LDB2: variants seen among roughly 807,000 people sequenced by gnomAD.
LDB2 encodes LIM domain binding 2.
LDB2 carries 12 observed loss-of-function variants against 44.3 expected under a neutral mutation model. The observed-to-expected ratio is 0.27, with a 90% confidence interval of 0.17 to 0.44. The LOEUF (loss-of-function observed/expected upper bound fraction) is 0.44, where lower values mean the gene tolerates loss of function less well. Among genes scored for constraint, LDB2 ranks in the 20% least tolerant of loss-of-function variants. LDB2 has a pLI of 1.00. For synonymous variants in LDB2, 164 were observed against 174.8 expected, an observed-to-expected ratio of 0.94 and a Z score of 0.49; for missense variants, 344 against 473.5, an observed-to-expected ratio of 0.73 and a Z score of 2.54.
intron 1 of LDB2, among the ~76,000 whole-genome samples, chr4:16,796,682 G>A (rs910288312): frequency 3.9e-5 from 6 of 152,136 alleles, no homozygotes; most frequent in African/African-American, 1.4e-4. Flanking sequence ...ATCATGTGGT[G>A]GAGAAACCTG....
chr4:16,560,339 A>C (rs1187665581), intron 5 of LDB2, among the ~76,000 whole-genome samples: 1 of 152,218 alleles, frequency 6.6e-6, no homozygotes, highest in African/African-American at 2.4e-5. Flanking sequence ...TAAAGAAAAA[A>C]AGACAGAAGA....
intron 2 of LDB2, among the ~76,000 whole-genome samples, chr4:16,629,808 C>T (rs1578322714): frequency 6.6e-6 from 1 of 151,534 alleles, no homozygotes; most frequent in Admixed American, 6.6e-5. Context: ...CTTCAATAGC[C>T]GATTCAATCA....
At chr4:16,579,891 G>A (rs759074694) in intron 5 of LDB2, among the ~76,000 whole-genome samples, 57 of 152,184 alleles carry the variant, frequency 3.7e-4, no homozygotes, top group Non-Finnish European at 7.6e-4. Flanking sequence ...AGACAAACGA[G>A]TGGGGAGACA....
intron 2 of LDB2, among the ~76,000 whole-genome samples, chr4:16,710,499 C>T (rs533553055): frequency 5.3e-5 from 8 of 152,078 alleles, no homozygotes; most frequent in South Asian, 2.1e-4. Flanking sequence ...CCAGGCTTCC[C>T]GAGGAATCTG....
At chr4:16,586,646 A>G (rs139301241) in intron 4 of LDB2, among the ~76,000 whole-genome samples, 1 of 152,154 alleles carries the variant, frequency 6.6e-6, no homozygotes, top group Non-Finnish European at 1.5e-5. Flanking sequence ...GGACTGTAAG[A>G]GTAAGTATCA....
chr4:16,626,109 G>A (rs1024576535), intron 2 of LDB2, among the ~76,000 whole-genome samples: 3 of 152,196 alleles, frequency 2.0e-5, no homozygotes, highest in Non-Finnish European at 4.4e-5. Context: ...ACAACCCTAT[G>A]AGGTTGGCAG....
intron 5 of LDB2, among the ~76,000 whole-genome samples, chr4:16,558,456 A>G (rs569420873): frequency 5.9e-5 from 9 of 152,344 alleles, no homozygotes; most frequent in African/African-American, 1.2e-4. Flanking sequence ...AAGAAAGGGT[A>G]TCAGTGATGG....
chr4:16,556,808 GA>G (rs1047530809), intron 5 of LDB2, among the ~76,000 whole-genome samples: 2 of 152,186 alleles, frequency 1.3e-5, no homozygotes, highest in Admixed American at 1.3e-4. Flanking sequence ...TGTACATAAT[GA>G]AATCAGTCCA....
chr4:16,898,604 G>A lies in LDB2; in HGVS notation c.-119C>T. On this transcript the variant is annotated 5_prime_UTR_variant, in exon 1 of 8. Transcript: ENST00000304523. ...ACGCACACACGCTCACACACACACAGAGGCAGGCAGGCAGGCAGGCTGAAC... is the reference window on the plus strand; with the variant it reads ...ACGCACACACGCTCACACACACACAAAGGCAGGCAGGCAGGCAGGCTGAAC... The A allele has an allele frequency of 1.1e-6, 1 of 928,010 alleles. No homozygotes were observed. 57.5% of individuals were successfully genotyped at this position (928,010 alleles called of 1,614,324 possible). A position where few individuals can be genotyped will look rare whatever the true frequency, so the allele number is the denominator to read the frequency against.
At chr4:16,791,589 A>G (rs924219937) in intron 1 of LDB2, among the ~76,000 whole-genome samples, 10 of 151,402 alleles carry the variant, frequency 6.6e-5, no homozygotes, top group African/African-American at 1.9e-4. Flanking sequence ...CAGCCATTAC[A>G]AATAGAAGCA....
At chr4:16,650,542 T>C (rs979493563) in intron 2 of LDB2, among the ~76,000 whole-genome samples, 2 of 152,252 alleles carry the variant, frequency 1.3e-5, no homozygotes, top group African/African-American at 2.4e-5. Context: ...TAGTCATTTA[T>C]ACAACTTAAA....
At chr4:16,697,240 C>T (rs902735866) in intron 2 of LDB2, among the ~76,000 whole-genome samples, 100 of 148,162 alleles carry the variant, frequency 6.7e-4, no homozygotes, top group Admixed American at 3.7e-3. Flanking sequence ...CTGGCTAACA[C>T]GGTGAAACCC....
chr4:16,588,668 A>G (rs747953774), intron 4 of LDB2, 42 bp downstream of exon 4: 20 of 1,593,602 alleles, frequency 1.3e-5, no homozygotes, highest in Non-Finnish European at 1.5e-5. Flanking sequence ...ATGAAGGAGG[A>G]AAAAAAAGAA....
At chr4:16,820,607 A>C (rs1781767122) in intron 1 of LDB2, among the ~76,000 whole-genome samples, 1 of 152,234 alleles carries the variant, frequency 6.6e-6, no homozygotes, top group East Asian at 1.9e-4. Flanking sequence ...TTGTTAGGGC[A>C]GAGGCTCCAG....
chr4:16,555,770 G>A (rs573178772), intron 5 of LDB2, among the ~76,000 whole-genome samples: 1 of 152,166 alleles, frequency 6.6e-6, no homozygotes, highest in African/African-American at 2.4e-5. Context: ...GCATAGGCAG[G>A]TGTTTAGATT....
At chr4:16,890,231 C>A (rs1722962827) in intron 1 of LDB2, among the ~76,000 whole-genome samples, 2 of 152,142 alleles carry the variant, frequency 1.3e-5, no homozygotes, top group Admixed American at 1.3e-4. Flanking sequence ...TTCTTAAAAC[C>A]AGAGCAAGGA....
At position 16,554,010 on chromosome 4, in the gene LDB2, C is replaced by T. The variant is rs73128944; in HGVS notation, c.615+31912G>A. The stretch of plus-strand genomic sequence containing the variant: ...CCATCCTCTAGATCTCTCTCTCTTC[C>T]CCCTGACATCCCATTGGACGTATTC... On this transcript the variant is annotated intron_variant, in intron 5 of 7. Coordinates refer to ENST00000304523, the MANE Select transcript of LDB2 (RefSeq NM_001290.5). Among the ~76,000 whole-genome samples the T allele has an allele frequency of 3.1e-3, 472 of 152,170 alleles. 4 individuals are homozygous for T. Among genetic ancestry groups the T allele is most frequent in the African/African-American group, 0.011 (449 of 41,520 alleles).
rs1169491759 is a variant in LDB2, at chr4:16,563,429, A to ATTTTTTTTTTTTTTT, written c.615+22478_615+22492dup. Among the ~76,000 whole-genome samples the ATTTTTTTTTTTTTTT allele has an allele frequency of 4.3e-5, 2 of 46,576 alleles. 1 individual carries two copies. Among genetic ancestry groups the ATTTTTTTTTTTTTTT allele is most frequent in the East Asian group, 1.0e-3 (2 of 1,910 alleles). The allele number at this position is 46,576 out of a possible 152,430, so 30.6% of individuals were successfully genotyped here. A position where few individuals can be genotyped will look rare whatever the true frequency, so the allele number is the denominator to read the frequency against. On this transcript the variant is annotated intron_variant, in intron 5 of 7. Coordinates refer to ENST00000304523, the MANE Select transcript of LDB2 (RefSeq NM_001290.5). The stretch of plus-strand genomic sequence containing the variant: ...TCAAAACCATCTCATCAGTCATCAG[A>ATTTTTTTTTTTTTTT]TTTTTTTTTTTTTTTTTTTTTTTTT...
chr4:16,587,853 G>C (rs1717558067), intron 4 of LDB2, among the ~76,000 whole-genome samples: 1 of 152,134 alleles, frequency 6.6e-6, no homozygotes, highest in South Asian at 2.1e-4. Context: ...CTCTCTGCCT[G>C]ACTGTGAGGA....
Sources: allele counts gnomAD v4.1 joint callset (sites outside exome capture counted in the v4.1 genomes callset), GRCh38; gene constraint gnomAD v4.1.1; transcripts MANE v1.5; gene names NCBI Gene and HGNC (gene_info 2026-07-23, HGNC 2026-07-21).